The following NECTIN1 variants were observed in gnomAD, a reference collection of about 807,000 sequenced individuals.
NECTIN1 encodes the protein nectin-1.
NECTIN1 carries 23 observed loss-of-function variants against 48.0 expected under a neutral mutation model. The observed-to-expected ratio is 0.48, with a 90% CI of 0.34 to 0.68. The LOEUF is 0.68. NECTIN1 is among the 30% of genes least tolerant of loss of function. The probability of loss-of-function intolerance (pLI) is 0.01; values close to 1 mark genes in which losing one functional copy is unlikely to be tolerated. For missense variants in NECTIN1, 591 were observed against 709.9 expected (o/e 0.83, Z 1.90); for synonymous variants, 270 against 288.9 (o/e 0.93, Z 0.66).
At position 119,664,847 on chromosome 11, in the gene NECTIN1, G is replaced by A; in HGVS notation, c.1454C>T (p.Thr485Ile). 1.2e-6 allele frequency: 2 copies of A among 1,614,010 alleles called. No individual in the cohort carries two copies. Among genetic ancestry groups the A allele is most frequent in the Non-Finnish European group, 1.7e-6 (2 of 1,179,946 alleles). Residue 485 changes from threonine to isoleucine, a missense_variant, in exon 6 of 6, where the codon ACT (threonine) becomes ATT (isoleucine). Thr to Ile is a moderately conservative substitution (Grantham distance 89). Transcript: ENST00000264025. Reference protein sequence around the residue: ...EARQDGYGDRTLGYQYDPEQL... With the variant: ...EARQDGYGDRILGYQYDPEQL... ...CTCAGGGTCGTACTGGTAGCCCAGA[G>A]TCCGGTCCCCGTAGCCGTCCTGACG...
At chr11:119,713,912 C>G (rs1425590395) in intron 1 of NECTIN1, 4 of 455,252 alleles carry the variant, frequency 8.8e-6, no homozygotes, top group South Asian at 6.2e-5. Context: ...TGCCAAGGAG[C>G]AGCAAGCCTG....
At chr11:119,651,587 G>T (rs916590556) in intron 5 of NECTIN1, among the ~76,000 whole-genome samples, 1 of 151,960 alleles carries the variant, frequency 6.6e-6, no homozygotes, top group Non-Finnish European at 1.5e-5. Context: ...GAGCTCCTTC[G>T]CTTCTCTGCA....
chr11:119,726,676 G>A (rs1437789007), intron 1 of NECTIN1, among the ~76,000 whole-genome samples: 1 of 152,182 alleles, frequency 6.6e-6, no homozygotes, highest in Non-Finnish European at 1.5e-5. Context: ...GCTGGGGAAA[G>A]AGAATAACAA....
chr11:119,691,740 G>T (rs1865256940), intron 1 of NECTIN1, among the ~76,000 whole-genome samples: 1 of 152,192 alleles, frequency 6.6e-6, no homozygotes, highest in Admixed American at 6.5e-5. Flanking sequence ...CTGTAAATGG[G>T]CCGGAGCACA....
intron 1 of NECTIN1, among the ~76,000 whole-genome samples, chr11:119,725,820 G>A (rs1249877195): frequency 3.3e-5 from 5 of 152,144 alleles, no homozygotes; most frequent in Non-Finnish European, 7.3e-5. Flanking sequence ...AAGCCAATTA[G>A]GGAGGGTGTG....
In NECTIN1 at chr11:119,661,010, T is replaced by C. The variant is rs1864652981; in HGVS notation, c.*3737A>G. On this transcript the variant is annotated 3_prime_UTR_variant, in exon 6 of 6. Coordinates refer to ENST00000264025, the MANE Select transcript of NECTIN1 (RefSeq NM_002855.5). ...AAACCAGTTTGTTTTAAACACTTTA[T>C]TTATAAAAAAGTACATTTTTAATCC... 2.0e-6 allele frequency: 2 copies of C among 980,172 alleles called. No homozygotes were observed. Among genetic ancestry groups the C allele is most frequent in the East Asian group, 1.1e-4 (1 of 8,784 alleles). The allele number at this position is 980,172 out of a possible 1,614,324, so 60.7% of individuals were successfully genotyped here.
intron 1 of NECTIN1, among the ~76,000 whole-genome samples, chr11:119,728,221 T>G (rs1260617731): frequency 6.6e-5 from 10 of 152,266 alleles, no homozygotes; most frequent in Admixed American, 6.5e-4. Context: ...TTATTATTTT[T>G]TGTAAAGAAC....
chr11:119,728,569 C>CG lies in NECTIN1; in HGVS notation c.-17dup. ...TCCGAGCCATCGGGGGCCGGGGGTC[C>CG]GGCGAGAGGGGCGGCGAGGGCAGCG... On this transcript the variant is annotated 5_prime_UTR_variant, in exon 1 of 6. Coordinates refer to ENST00000264025, the MANE Select transcript of NECTIN1 (RefSeq NM_002855.5). 5 of 1,554,608 alleles carry CG rather than the reference C, an allele frequency of 3.2e-6. No individual in the cohort carries two copies. Among genetic ancestry groups the CG allele is most frequent in the Non-Finnish European group, 3.5e-6 (4 of 1,145,602 alleles).
In NECTIN1 at chr11:119,674,695, G is replaced by A. The variant is rs1432004739; in HGVS notation, c.1003+464C>T. On this transcript the variant is annotated intron_variant, in intron 5 of 5. Coordinates refer to ENST00000264025, the MANE Select transcript of NECTIN1 (RefSeq NM_002855.5). The stretch of plus-strand genomic sequence containing the variant: ...GGGCACACAAAGCACTATGGCTTTG[G>A]GCTACATCTTCGCTTTCTCTCCAGT... 1.9e-6 allele frequency: 3 copies of A among 1,614,132 alleles called. No homozygotes were observed. The South Asian group carries it at 3.3e-5, about 18-fold the overall frequency.
At chr11:119,643,854 C>T (rs1864359544) in intron 5 of NECTIN1, among the ~76,000 whole-genome samples, 1 of 152,240 alleles carries the variant, frequency 6.6e-6, no homozygotes, top group African/African-American at 2.4e-5. Context: ...CCAGGGAGCA[C>T]TTATTGCCCA....
chr11:119,679,542 G>T (rs1865023741), intron 1 of NECTIN1, among the ~76,000 whole-genome samples: 1 of 152,164 alleles, frequency 6.6e-6, no homozygotes, highest in Admixed American at 6.5e-5. Flanking sequence ...CTCTTGGCAA[G>T]ACCTCCTTGC....
rs1368782216 is a variant in NECTIN1, at chr11:119,709,425, C to CTGCAG, written c.79+19049_79+19050insCTGCA. ...GGGGCCGGGGGAGAGCCTGCAGGGG[C>CTGCAG]AGGGGCGCAGAGGAAGCCGAGACTA... is the stretch of plus-strand genomic sequence containing the variant. On this transcript the variant is annotated intron_variant, in intron 1 of 5. Coordinates refer to ENST00000264025, the MANE Select transcript of NECTIN1 (RefSeq NM_002855.5). The surrounding 1 kb of genome is among the most constrained non-coding windows in gnomAD (Gnocchi z 4.1). Among the ~76,000 whole-genome samples, 2 of 152,156 alleles carry CTGCAG rather than the reference C, an allele frequency of 1.3e-5. No homozygotes were observed. The highest frequency in any genetic ancestry group is 4.8e-5 in the African/African-American group (2 of 41,442).
At position 119,677,777 on chromosome 11, in the gene NECTIN1, T is replaced by C; in HGVS notation, c.511A>G (p.Thr171Ala). ...KGQDDKVLVA[T>A]CTSANGKPPS... ...GGCTTCCCATTGGCTGAGGTGCAGG[T>C]GGCCACCAGGACCTTGTCATCCTGC... The change falls in exon 3 of 6, where the codon ACC (threonine) becomes GCC (alanine). Residue 171 changes from threonine to alanine, a missense_variant. Physicochemically the swap from Thr to Ala is moderately conservative, Grantham distance 58 (BLOSUM62 0). Transcript: ENST00000264025. The surrounding 1 kb of genome is among the most constrained non-coding windows in gnomAD (Gnocchi z 5.4). 6.2e-7 allele frequency: 1 copy of C among 1,614,134 alleles called. No individual in the cohort carries two copies.
At chr11:119,658,579 C>T (rs1019532823), downstream of NECTIN1, among the ~76,000 whole-genome samples, 2 of 152,184 alleles carry the variant, frequency 1.3e-5, no homozygotes, top group South Asian at 4.1e-4. Context: ...TTTCCTCCTC[C>T]AACTTTCCCA....
At chr11:119,718,178 A>G (rs1381640187) in intron 1 of NECTIN1, among the ~76,000 whole-genome samples, 1 of 152,102 alleles carries the variant, frequency 6.6e-6, no homozygotes, top group East Asian at 1.9e-4. Flanking sequence ...GACCCTCGAG[A>G]GGACAATCTG....
In NECTIN1 at chr11:119,664,249, C is replaced by T; in HGVS notation, c.*498G>A. 1.0e-6 allele frequency: 1 copy of T among 991,786 alleles called. No individual in the cohort carries two copies. The highest frequency in any genetic ancestry group is 4.6e-5 in the South Asian group (1 of 21,716). 61.4% of individuals were successfully genotyped at this position (991,786 alleles called of 1,614,324 possible). On this transcript the variant is annotated 3_prime_UTR_variant, in exon 6 of 6. Transcript: ENST00000264025. ...GACCCAAGGTCCAAACTCCCAGCTGCATCAGATTTCACTGGTGGGTGTTGG... is the reference window on the plus strand; with the variant it reads ...GACCCAAGGTCCAAACTCCCAGCTGTATCAGATTTCACTGGTGGGTGTTGG...
rs1161740013 is a variant in NECTIN1, at chr11:119,677,354, G to A, written c.734-135C>T. ...GAGAGAGGGAAGTGTGGGTGGGAGG[G>A]TGGCAATCACAGAGCCCGGGAGTGG... On this transcript the variant is annotated intron_variant, in intron 3 of 5. Transcript: ENST00000264025. This position sits in a 1 kb window ranked among gnomAD's most constrained non-coding sequence, Gnocchi z 5.4. 3.9e-6 allele frequency: 4 copies of A among 1,016,216 alleles called. No individual in the cohort carries two copies. Among genetic ancestry groups the A allele is most frequent in the African/African-American group, 3.1e-5 (2 of 63,724 alleles). 62.9% of individuals were successfully genotyped at this position (1,016,216 alleles called of 1,614,324 possible).
Position 119,648,283 on chromosome 11 carries a change from G to A in NECTIN1, c.1004-8271C>T, listed in dbSNP as rs1194341728. Among the ~76,000 whole-genome samples the A allele has an allele frequency of 1.3e-3, 15 of 11,244 alleles. No individual in the cohort carries two copies. In the East Asian group the frequency reaches 0.015, roughly 11 times the overall value. The allele number at this position is 11,244 out of a possible 152,430, so 7.4% of individuals were successfully genotyped here. A position where few individuals can be genotyped will look rare whatever the true frequency, so the allele number is the denominator to read the frequency against. On this transcript the variant is annotated intron_variant, in intron 5 of 7. Coordinates refer to the NECTIN1 transcript ENST00000341398. ...GGTAATAGTGGTGGTGGTGATGGTG[G>A]TGGTGATGGTGGTGGTGGTGGTGAT...
In NECTIN1 at chr11:119,715,650, C is replaced by T. The variant is rs560791104; in HGVS notation, c.79+12825G>A. Among the ~76,000 whole-genome samples, 15 of 152,284 alleles carry T rather than the reference C, an allele frequency of 9.9e-5. No individual in the cohort carries two copies. The East Asian group carries it at 2.7e-3, about 28-fold the overall frequency. ...GGACTATAGGTATGAGCCACTGTGC[C>T]CAGTGGGCTCAGGTGTTTAACACAT... On this transcript the variant is annotated intron_variant, in intron 1 of 5. Coordinates refer to ENST00000264025, the MANE Select transcript of NECTIN1 (RefSeq NM_002855.5).
Sources: allele counts gnomAD v4.1 joint callset (sites outside exome capture counted in the v4.1 genomes callset), GRCh38; gene constraint gnomAD v4.1.1; non-coding constraint Gnocchi (gnomAD v3.1); transcripts MANE v1.5; gene names NCBI Gene and HGNC (gene_info 2026-07-23, HGNC 2026-07-21).